SNRPN: variants seen among roughly 807,000 people sequenced by gnomAD.
SNRPN encodes the protein small nuclear ribonucleoprotein polypeptide N, also known as small nuclear ribonucleoprotein-associated protein N.
Under a neutral mutation model 25.2 loss-of-function variants are expected in SNRPN, and 7 were observed. The ratio of observed to expected loss-of-function variants is 0.28; its 90% CI spans 0.16 to 0.52. The LOEUF is 0.52. Among genes scored for constraint, SNRPN ranks in the 20% least tolerant of loss-of-function variants. The pLI is 0.96. For synonymous variants in SNRPN, 124 were observed against 110.6 expected (o/e 1.12, Z -0.76); for missense variants, 196 against 322.5 (o/e 0.61, Z 3.00).
At chr15:24,905,572 C>T (rs1220825405) in intron 2 of SNRPN, among the ~76,000 whole-genome samples, 2 of 150,292 alleles carry the variant, frequency 1.3e-5, no homozygotes, top group South Asian at 2.1e-4. Flanking sequence ...TTTTTGTTGT[C>T]GATGAGTTGC....
rs1037045552 is a variant in SNRPN, at chr15:24,929,223, T to A, written c.-391+9099T>A. Among the ~76,000 whole-genome samples, 1 of 149,822 alleles carries A rather than the reference T, an allele frequency of 6.7e-6. No individual in the cohort carries two copies. The highest frequency in any genetic ancestry group is 6.6e-5 in the Admixed American group (1 of 15,070). ...CATGTATTTATAGTGATATTTTCCA[T>A]CCCAATCTACACCGCAGGGTTTTTC... On this transcript the variant is annotated intron_variant, in intron 3 of 11. Coordinates refer to the SNRPN transcript ENST00000400097. This position sits in a 1 kb window ranked among gnomAD's most constrained non-coding sequence, Gnocchi z 5.3.
At chr15:24,915,649 C>T (rs1245805562) in intron 2 of SNRPN, among the ~76,000 whole-genome samples, 2 of 152,094 alleles carry the variant, frequency 1.3e-5, no homozygotes, top group Non-Finnish European at 1.5e-5. Context: ...CTGATTTCAT[C>T]CTACAAAAAT....
chr15:24,977,948 G>C, intron 8 of SNRPN, 32 bp downstream of exon 8: 1 of 1,524,418 alleles, frequency 6.6e-7, no homozygotes, highest in Non-Finnish European at 8.8e-7. Context: ...AGACGAACTT[G>C]AATCTCTGAT....
chr15:24,854,216 T>C (rs2053166331), upstream of SNRPN, among the ~76,000 whole-genome samples: 1 of 152,198 alleles, frequency 6.6e-6, no homozygotes, highest in Admixed American at 6.5e-5. Context: ...CCTAATTACC[T>C]TTTAACAGCC....
intron 3 of SNRPN, chr15:24,921,033 G>A (rs773260203): frequency 6.6e-6 from 1 of 152,132 alleles, no homozygotes; most frequent in Non-Finnish European, 1.5e-5. Flanking sequence ...CCATTTTTCT[G>A]ATGGGTCAGT....
At position 24,882,823 on chromosome 15, in the gene SNRPN, C is replaced by CAAAAAAAAAAAAAAAAA. The variant is rs10543501; in HGVS notation, c.-578-3682_-578-3681insAAAAAAAAAAAAAAAAA. 2.8e-4 allele frequency among the ~76,000 whole-genome samples: 35 copies of CAAAAAAAAAAAAAAAAA among 127,060 alleles called. 2 individuals carry two copies. The highest frequency in any genetic ancestry group is 3.3e-4 in the African/African-American group (11 of 32,904). The allele number at this position is 127,060 out of a possible 152,430, so 83.4% of individuals were successfully genotyped here. ...TGGGCGACAGAGCGAGACTCCATCT[C>CAAAAAAAAAAAAAAAAA]AAAAAAAAAAATATATATATATATA... On this transcript the variant is annotated intron_variant, in intron 1 of 11. Coordinates refer to the SNRPN transcript ENST00000400097.
Position 24,841,341 on chromosome 15 carries a change from A to G in SNRPN, c.-579+11436A>G, listed in dbSNP as rs764873111. Among the ~76,000 whole-genome samples, 55 of 152,068 alleles carry G rather than the reference A, an allele frequency of 3.6e-4. 1 individual carries two copies. The highest frequency in any genetic ancestry group is 5.0e-4 in the Non-Finnish European group (34 of 68,034). On this transcript the variant is annotated intron_variant, in intron 2 of 12. Transcript: ENST00000400100. The stretch of plus-strand genomic sequence containing the variant: ...ATAATCTTCCAGGACATCAATGCCT[A>G]TAATGCACTCAGGGTGGGAACCAGA...
chr15:24,944,480 C>T lies in SNRPN; in HGVS notation c.-390-17634C>T, dbSNP rs142737859. On this transcript the variant is annotated intron_variant, in intron 3 of 11. Transcript: ENST00000400097. Reference sequence around the variant, plus strand: ...TGGGAGGCCAAGGTGGGTGGATCACCTGAGGTCAGGAGTTCGAGAGTGGCC... The same window carrying T: ...TGGGAGGCCAAGGTGGGTGGATCACTTGAGGTCAGGAGTTCGAGAGTGGCC... Among the ~76,000 whole-genome samples, 334 of 152,204 alleles carry T rather than the reference C, an allele frequency of 2.2e-3. 1 individual carries two copies. The highest frequency in any genetic ancestry group is 7.5e-3 in the African/African-American group (311 of 41,534).
intron 3 of SNRPN, among the ~76,000 whole-genome samples, chr15:24,973,192 T>TA (rs1355026240): frequency 6.6e-6 from 1 of 151,348 alleles, no homozygotes; most frequent in Non-Finnish European, 1.5e-5. Context: ...CCCAGCCTCT[T>TA]CTCTGTTTAA....
At chr15:24,922,763 AAT>A (rs1427146138) in intron 3 of SNRPN, among the ~76,000 whole-genome samples, 2 of 151,574 alleles carry the variant, frequency 1.3e-5, no homozygotes, top group Non-Finnish European at 2.9e-5. Flanking sequence ...CATTATATAT[AAT>A]ATATACAGCA....
chr15:24,848,328 T>G (rs1025428889), intron 2 of SNRPN: 19 of 150,508 alleles, frequency 1.3e-4, no homozygotes, highest in Admixed American at 1.3e-4. Context: ...CCTTTCCCCC[T>G]GCTATTTCCG....
At chr15:24,916,103 G>C (rs1217629102) in intron 2 of SNRPN, among the ~76,000 whole-genome samples, 1 of 150,816 alleles carries the variant, frequency 6.6e-6, no homozygotes, top group African/African-American at 2.4e-5. Flanking sequence ...TCCCATTACA[G>C]GCACCCGCCA....
chr15:24,973,045 A>G lies in SNRPN; in HGVS notation c.-143-1266A>G, dbSNP rs1394182288. ...TGGGATTACAGGCGCCTGCCACCAC[A>G]CCCAGCTAATGTTTGTATTTTTAGT... On this transcript the variant is annotated intron_variant, in intron 3 of 9. Transcript: ENST00000390687. Among the ~76,000 whole-genome samples the G allele has an allele frequency of 1.3e-5, 2 of 151,646 alleles. 1 individual carries two copies. Among genetic ancestry groups the G allele is most frequent in the African/African-American group, 4.8e-5 (2 of 41,246 alleles).
intron 3 of SNRPN, among the ~76,000 whole-genome samples, chr15:24,970,853 G>C (rs927168477): frequency 2.0e-5 from 3 of 151,966 alleles, no homozygotes; most frequent in African/African-American, 7.3e-5. Flanking sequence ...AAGGAAATTT[G>C]TTTTCTTGTG....
rs76938898 is a variant in SNRPN, at chr15:24,965,175, C to G, written c.-294-2757C>G. ...ATATTTACCCATTCATCTCCTACTT[C>G]CTACCAAATCATAAGTAGTATTGGG... is the stretch of plus-strand genomic sequence containing the variant. On this transcript the variant is annotated intron_variant, in intron 2 of 9. Transcript: ENST00000390687. Among the ~76,000 whole-genome samples, 92 of 152,292 alleles carry G rather than the reference C, an allele frequency of 6.0e-4. 5 individuals carry two copies. In the East Asian group the frequency reaches 0.018, roughly 29 times the overall value.
intron 3 of SNRPN, among the ~76,000 whole-genome samples, chr15:24,948,138 G>C (rs1192631289): frequency 6.6e-6 from 1 of 151,200 alleles, no homozygotes; most frequent in African/African-American, 2.4e-5. Flanking sequence ...TTGAGATGGA[G>C]TCTCACTCTG....
intron 2 of SNRPN, among the ~76,000 whole-genome samples, chr15:24,847,217 C>T (rs892911413): frequency 5.3e-5 from 8 of 152,066 alleles, no homozygotes; most frequent in Non-Finnish European, 7.4e-5. Context: ...CTACTATGCT[C>T]ACAGCGCCAC....
chr15:24,949,313 C>T (rs1318460542), intron 3 of SNRPN, among the ~76,000 whole-genome samples: 1 of 152,102 alleles, frequency 6.6e-6, no homozygotes, highest in Non-Finnish European at 1.5e-5. Flanking sequence ...TGAGCCACCA[C>T]ACTTGGCCTG....
chr15:24,915,477 A>G (rs976841852), intron 2 of SNRPN, among the ~76,000 whole-genome samples: 3 of 152,138 alleles, frequency 2.0e-5, no homozygotes, highest in African/African-American at 7.2e-5. Context: ...AGATTTTATA[A>G]TGAGGTCCAC....
Sources: allele counts gnomAD v4.1 joint callset (sites outside exome capture counted in the v4.1 genomes callset), GRCh38; gene constraint gnomAD v4.1.1; non-coding constraint Gnocchi (gnomAD v3.1); transcripts MANE v1.5; gene names NCBI Gene and HGNC (gene_info 2026-07-23, HGNC 2026-07-21).